Variants in FBXW7 observed in about 807,000 individuals in gnomAD.
FBXW7 encodes the protein F-box/WD repeat-containing protein 7.
FBXW7 carries 11 observed loss-of-function variants against 86.3 expected under a neutral mutation model. The observed-to-expected ratio is 0.13, with a 90% confidence interval of 0.08 to 0.21. The LOEUF (loss-of-function observed/expected upper bound fraction) is 0.21. Ranked by LOEUF, FBXW7 falls within the 10% of genes least tolerant of loss-of-function variation. The probability of loss-of-function intolerance (pLI) is 1.00; values close to 1 mark genes in which losing one functional copy is unlikely to be tolerated. For synonymous variants in FBXW7, 313 were observed against 297.9 expected (o/e 1.05, Z -0.52); for missense variants, 488 against 847.4 (o/e 0.58, Z 5.27).
chr4:152,367,318 A>G (rs1262065068), intron 4 of FBXW7, among the ~76,000 whole-genome samples: 1 of 152,154 alleles, frequency 6.6e-6, no homozygotes, highest in East Asian at 1.9e-4. Flanking sequence ...TATATTATAT[A>G]TATTCACATA....
intron 2 of FBXW7, among the ~76,000 whole-genome samples, chr4:152,524,871 A>G (rs1051825551): frequency 6.6e-6 from 1 of 152,206 alleles, no homozygotes; most frequent in African/African-American, 2.4e-5. Flanking sequence ...AGGCTTCCCC[A>G]CTCACTGTAT....
intron 4 of FBXW7, among the ~76,000 whole-genome samples, chr4:152,381,867 C>A (rs1312733569): frequency 6.6e-6 from 1 of 152,056 alleles, no homozygotes; most frequent in Non-Finnish European, 1.5e-5. Flanking sequence ...GCCTTTCATG[C>A]AAAAACTACA....
intron 2 of FBXW7, among the ~76,000 whole-genome samples, chr4:152,503,523 T>C (rs1400817608): frequency 1.3e-5 from 2 of 152,224 alleles, no homozygotes; most frequent in Admixed American, 1.3e-4. Flanking sequence ...CCACTTGCCT[T>C]GGCCTCCCAA....
At chr4:152,506,356 C>A (rs1488986905) in intron 2 of FBXW7, among the ~76,000 whole-genome samples, 1 of 152,210 alleles carries the variant, frequency 6.6e-6, no homozygotes, top group Non-Finnish European at 1.5e-5. Flanking sequence ...TGGTCTCAAT[C>A]TCCTGACCTT....
At chr4:152,438,420 G>A (rs956080178) in intron 2 of FBXW7, among the ~76,000 whole-genome samples, 3 of 152,094 alleles carry the variant, frequency 2.0e-5, no homozygotes, top group Non-Finnish European at 4.4e-5. Flanking sequence ...GCTCATGCCT[G>A]TAATCTCAGC....
intron 4 of FBXW7, chr4:152,352,649 G>A (rs1382288180): frequency 2.5e-6 from 4 of 1,613,754 alleles, no homozygotes; most frequent in Non-Finnish European, 3.4e-6. Flanking sequence ...AGAAAAGGAA[G>A]ATTAGGGAGC....
At position 152,476,109 on chromosome 4, in the gene FBXW7, G is replaced by C. The variant is rs116562713; in HGVS notation, c.-120+58832C>G. Among the ~76,000 whole-genome samples the C allele has an allele frequency of 6.0e-3, 909 of 152,232 alleles. 6 individuals carry two copies. The highest frequency in any genetic ancestry group is 0.021 in the African/African-American group (874 of 41,538). On this transcript the variant is annotated intron_variant, in intron 2 of 13. Coordinates refer to ENST00000281708, the MANE Select transcript of FBXW7 (RefSeq NM_001349798.2). ...AACTGTTACTATTTAAGGCAATGAT[G>C]TATTAGCAAGAGGACACACACAGAA...
chr4:152,511,038 ATTT>A (rs774650775), intron 2 of FBXW7, among the ~76,000 whole-genome samples: 6 of 140,652 alleles, frequency 4.3e-5, no homozygotes, highest in Non-Finnish European at 6.3e-5. Flanking sequence ...ACCACGGTTA[ATTT>A]TTTTTTTTTT....
chr4:152,372,086 G>A (rs1734052262), intron 4 of FBXW7, among the ~76,000 whole-genome samples: 1 of 151,896 alleles, frequency 6.6e-6, no homozygotes, highest in Non-Finnish European at 1.5e-5. Context: ...TAAAGAATAA[G>A]TCTATTAGCA....
chr4:152,361,353 CT>C (rs530809611), intron 4 of FBXW7, among the ~76,000 whole-genome samples: 2 of 151,924 alleles, frequency 1.3e-5, no homozygotes, highest in Non-Finnish European at 1.5e-5. Context: ...CATATATATA[CT>C]TTAACAAATT....
chr4:152,533,771 G>A (rs1750220120), intron 2 of FBXW7, among the ~76,000 whole-genome samples: 2 of 152,162 alleles, frequency 1.3e-5, no homozygotes, highest in African/African-American at 4.8e-5. Flanking sequence ...TAATAAACTT[G>A]CAGAACTCAT....
intron 4 of FBXW7, among the ~76,000 whole-genome samples, chr4:152,351,911 A>C (rs1374172559): frequency 1.3e-5 from 2 of 152,168 alleles, no homozygotes; most frequent in African/African-American, 4.8e-5. Flanking sequence ...TTTTATTTTA[A>C]AAATATTTTA....
In FBXW7 at chr4:152,332,393, GAAGCAAATCAGAT is replaced by G. The variant is rs1729644587; in HGVS notation, c.985+190_985+202del. Among the ~76,000 whole-genome samples, 5 of 152,236 alleles carry G rather than the reference GAAGCAAATCAGAT, an allele frequency of 3.3e-5. No homozygotes were observed. The South Asian group carries it at 1.0e-3, about 32-fold the overall frequency. ...TGTTTATTAATTCTACTAGTGATAG[GAAGCAAATCAGAT>G]ATATTTGCTATTAGTTATATTGCTT... On this transcript the variant is annotated intron_variant, in intron 8 of 13. Coordinates refer to ENST00000281708, the MANE Select transcript of FBXW7 (RefSeq NM_001349798.2).
At chr4:152,503,892 T>C (rs1034236945) in intron 2 of FBXW7, among the ~76,000 whole-genome samples, 15 of 152,320 alleles carry the variant, frequency 9.8e-5, no homozygotes, top group South Asian at 6.2e-4. Flanking sequence ...AAGAGTTGAA[T>C]TGTTCAGTAT....
intron 4 of FBXW7, among the ~76,000 whole-genome samples, chr4:152,392,874 G>GC (rs1462534264): frequency 6.6e-6 from 1 of 152,132 alleles, no homozygotes; most frequent in African/African-American, 2.4e-5. Flanking sequence ...TGAGGCCTTA[G>GC]CAAGTTTCTA....
chr4:152,513,780 A>G (rs1211322244), intron 2 of FBXW7, among the ~76,000 whole-genome samples: 3 of 152,272 alleles, frequency 2.0e-5, no homozygotes, highest in Non-Finnish European at 4.4e-5. Context: ...AACCATTCTG[A>G]AACACTAAAG....
intron 2 of FBXW7, among the ~76,000 whole-genome samples, chr4:152,432,636 A>G: frequency 6.6e-6 from 1 of 151,954 alleles, no homozygotes; most frequent in African/African-American, 2.4e-5. Context: ...GTGAACCCCC[A>G]TCTCTACTAA....
chr4:152,494,324 T>A (rs1433427382), intron 2 of FBXW7, among the ~76,000 whole-genome samples: 1 of 152,186 alleles, frequency 6.6e-6, no homozygotes. Context: ...AAAAGTTTTC[T>A]GTAGAAAGAG....
chr4:152,444,691 T>C (rs146743687), intron 2 of FBXW7, among the ~76,000 whole-genome samples: 5 of 152,308 alleles, frequency 3.3e-5, no homozygotes, highest in Admixed American at 1.3e-4. Context: ...TGTAACAATT[T>C]GGTATAACCA....
Sources: allele counts gnomAD v4.1 joint callset (sites outside exome capture counted in the v4.1 genomes callset), GRCh38; gene constraint gnomAD v4.1.1; transcripts MANE v1.5; gene names NCBI Gene and HGNC (gene_info 2026-07-23, HGNC 2026-07-21).